The following TNFRSF10A variants were observed in gnomAD, a reference collection of about 807,000 sequenced individuals.
TNFRSF10A encodes TNF receptor superfamily member 10a.
In TNFRSF10A, 44 loss-of-function variants were observed where a neutral mutation model predicts 42.8. The ratio of observed to expected loss-of-function variants is 1.03; its 90% CI spans 0.81 to 1.32. TNFRSF10A has a LOEUF of 1.32. Ranked by LOEUF, TNFRSF10A falls within the 40% of genes most tolerant of loss-of-function variation. The pLI, the probability that TNFRSF10A is intolerant of heterozygous loss-of-function variation, is 0.00. For missense variants in TNFRSF10A, 680 were observed against 602.0 expected, an observed-to-expected ratio of 1.13 and a Z score of -1.36; for synonymous variants, 259 against 234.2, an observed-to-expected ratio of 1.11 and a Z score of -0.97.
At chr8:23,219,181 G>A (rs1292503172) in intron 1 of TNFRSF10A, among the ~76,000 whole-genome samples, 3 of 152,098 alleles carry the variant, frequency 2.0e-5, no homozygotes, top group African/African-American at 7.2e-5. Context: ...GGGCTTCAGG[G>A]AGCAGGACTG....
chr8:23,200,481 C>A (rs1234206755), intron 6 of TNFRSF10A, 24 bp downstream of exon 6: 1 of 1,612,346 alleles, frequency 6.2e-7, no homozygotes, highest in East Asian at 2.2e-5. Context: ...GTGCCCAGAG[C>A]CCTTGCCCTC....
At chr8:23,222,068 G>T (rs1042555101) in intron 1 of TNFRSF10A, among the ~76,000 whole-genome samples, 2 of 151,956 alleles carry the variant, frequency 1.3e-5, no homozygotes, top group Non-Finnish European at 1.5e-5. Context: ...TAGTAGAGAC[G>T]GGGTTTCACC....
chr8:23,212,513 T>C (rs1801105739), intron 1 of TNFRSF10A, among the ~76,000 whole-genome samples: 2 of 152,220 alleles, frequency 1.3e-5, no homozygotes, highest in Non-Finnish European at 2.9e-5. Context: ...TCAATTAGCA[T>C]AAAATCATCA....
chr8:23,210,337 G>T, intron 2 of TNFRSF10A, among the ~76,000 whole-genome samples: 1 of 152,170 alleles, frequency 6.6e-6, no homozygotes, highest in Non-Finnish European at 1.5e-5. Flanking sequence ...TATGAATATT[G>T]TTGCAAAAAT....
rs1801102529 is a variant in TNFRSF10A, at chr8:23,212,215, G to A, written c.307-3C>T. On this transcript the variant is annotated splice_region_variant and splice_polypyrimidine_tract_variant and intron_variant, in intron 1 of 9. Transcript: ENST00000221132. ...GTTGCAGCTGAGCTAGGTACGACCTGTGGGGACAAAGCAGGGACTGGCATG... is the reference window on the plus strand; with the variant it reads ...GTTGCAGCTGAGCTAGGTACGACCTATGGGGACAAAGCAGGGACTGGCATG... 2 of 1,612,660 alleles carry A rather than the reference G, an allele frequency of 1.2e-6. No homozygotes were observed. Among genetic ancestry groups the A allele is most frequent in the South Asian group, 2.2e-5 (2 of 91,066 alleles).
Position 23,199,917 on chromosome 8 carries a change from C to T in TNFRSF10A, c.800G>A (p.Gly267Asp). 1 of 1,614,112 alleles carries T rather than the reference C, an allele frequency of 6.2e-7. No homozygotes were observed. Among genetic ancestry groups the T allele is most frequent in the Non-Finnish European group, 8.5e-7 (1 of 1,180,012 alleles). ...CATGCACTTGGGGTCCCCTCCACAACCTAGAAGAGAAGACGGTTCCCTTAG... is the reference window on the plus strand; with the variant it reads ...CATGCACTTGGGGTCCCCTCCACAATCTAGAAGAGAAGACGGTTCCCTTAG... ...VLIVCCCIGS[G>D]CGGDPKCMDR... The change falls in exon 7 of 10, where the codon GGT becomes GAT. Residue 267 changes from glycine to aspartate, a missense_variant and splice_region_variant. Transcript: ENST00000221132.
intron 9 of TNFRSF10A, 45 bp from the exon 10 acceptor site, chr8:23,192,058 A>C (rs1290288761): frequency 1.3e-6 from 2 of 1,573,896 alleles, no homozygotes; most frequent in Admixed American, 3.7e-5. Flanking sequence ...GTTGGGACTC[A>C]GTTCAGAAGG....
chr8:23,223,035 T>G (rs1801278942), intron 1 of TNFRSF10A, among the ~76,000 whole-genome samples: 1 of 152,218 alleles, frequency 6.6e-6, no homozygotes, highest in Non-Finnish European at 1.5e-5. Context: ...ATAAGCCTCT[T>G]TTAAAATTAT....
Position 23,197,185 on chromosome 8 carries a change from C to G in TNFRSF10A, c.1034G>C (p.Gly345Ala). 2 of 1,614,152 alleles carry G rather than the reference C, an allele frequency of 1.2e-6. No homozygotes were observed. Among genetic ancestry groups the G allele is most frequent in the Non-Finnish European group, 1.7e-6 (2 of 1,179,998 alleles). The change falls in exon 9 of 10, where the codon GGG (glycine) becomes GCG (alanine). Residue 345 changes from glycine (G) to alanine (A), a missense_variant. Transcript: ENST00000221132. ...QCLLGPAEAEGSQRRRLLVPA... is the reference protein window; with the variant it reads ...QCLLGPAEAEASQRRRLLVPA... ...AACCAGCAGCCTCCTCCTCTGAGAC[C>G]CTTCAGCTTCTGCCGGTCCCTGTAA... is the stretch of plus-strand genomic sequence containing the variant.
At chr8:23,195,319 T>G (rs1800807460) in intron 9 of TNFRSF10A, among the ~76,000 whole-genome samples, 1 of 152,236 alleles carries the variant, frequency 6.6e-6, no homozygotes, top group Non-Finnish European at 1.5e-5. Context: ...CTTTTGGTTT[T>G]GTTTTCCAGT....
chr8:23,207,376 T>C (rs1392858636), intron 2 of TNFRSF10A: 1 of 567,594 alleles, frequency 1.8e-6, no homozygotes, highest in Non-Finnish European at 3.4e-6. Flanking sequence ...CTAAACTGAA[T>C]CCAGCTGGCT....
intron 6 of TNFRSF10A, 63 bp from the exon 7 acceptor site, chr8:23,199,980 G>A (rs1800884223): frequency 6.2e-7 from 1 of 1,603,866 alleles, no homozygotes; most frequent in South Asian, 1.1e-5. Context: ...CCTTCTTAGA[G>A]GGCAGTGTTG....
chr8:23,197,596 A>G (rs781614964), intron 8 of TNFRSF10A, among the ~76,000 whole-genome samples: 1 of 152,140 alleles, frequency 6.6e-6, no homozygotes, highest in Non-Finnish European at 1.5e-5. Flanking sequence ...ACTCTACATT[A>G]TGATAAGTTG....
chr8:23,197,185 C>T lies in TNFRSF10A; in HGVS notation c.1034G>A (p.Gly345Glu). The T allele has an allele frequency of 6.2e-7, 1 of 1,614,152 alleles. No individual in the cohort carries two copies. Among genetic ancestry groups the T allele is most frequent in the Non-Finnish European group, 8.5e-7 (1 of 1,179,998 alleles). The change falls in exon 9 of 10, where the codon GGG becomes GAG. Residue 345 changes from glycine to glutamate, a missense_variant. Coordinates refer to ENST00000221132, the MANE Select transcript of TNFRSF10A (RefSeq NM_003844.4). ...QCLLGPAEAE[G>E]SQRRRLLVPA... ...AACCAGCAGCCTCCTCCTCTGAGAC[C>T]CTTCAGCTTCTGCCGGTCCCTGTAA...
intron 2 of TNFRSF10A, among the ~76,000 whole-genome samples, chr8:23,203,753 T>A (rs1005619655): frequency 6.6e-6 from 1 of 151,922 alleles, no homozygotes; most frequent in Admixed American, 6.6e-5. Flanking sequence ...CTGGGGCAAC[T>A]AAGGTTACTA....
At chr8:23,209,514 G>A (rs986567018) in intron 2 of TNFRSF10A, among the ~76,000 whole-genome samples, 2 of 152,214 alleles carry the variant, frequency 1.3e-5, no homozygotes, top group African/African-American at 2.4e-5. Flanking sequence ...CCACAGGGGC[G>A]GAGCTGCCCA....
rs1347556811 is a variant in TNFRSF10A at position 23,201,838 on chromosome 8, G to A, written c.599C>T (p.Ser200Phe). 2 of 1,614,094 alleles carry A rather than the reference G, an allele frequency of 1.2e-6. No individual in the cohort carries two copies. Among genetic ancestry groups the A allele is most frequent in the African/African-American group, 1.3e-5 (1 of 74,938 alleles). ...CKPGTFRNDN[S>F]AEMCRKCSRG... ...GCTGCACTTCCGGCACATCTCAGCA[G>A]AATTGTCATTCCGGAAAGTTCCTGG... Residue 200 changes from serine (S) to phenylalanine (F), a missense_variant, in exon 4 of 10, where the codon TCT becomes TTT. Physicochemically the swap from Ser to Phe is radical, Grantham distance 155. Coordinates refer to ENST00000221132, the MANE Select transcript of TNFRSF10A (RefSeq NM_003844.4).
In TNFRSF10A at chr8:23,199,707, C is replaced by G. The variant is rs557893766; in HGVS notation, c.831+179G>C. The stretch of plus-strand genomic sequence containing the variant: ...AGCACAGGGCTACAGAATGGCCCAC[C>G]AGCCTGTATGATGCTCAAAAGGGCC... On this transcript the variant is annotated intron_variant, in intron 7 of 9. Coordinates refer to ENST00000221132, the MANE Select transcript of TNFRSF10A (RefSeq NM_003844.4). 4.9e-4 allele frequency among the ~76,000 whole-genome samples: 75 copies of G among 152,286 alleles called. 1 individual carries two copies. The highest frequency in any genetic ancestry group is 1.6e-3 in the African/African-American group (68 of 41,560).
chr8:23,217,335 C>T (rs1249676584), intron 1 of TNFRSF10A, among the ~76,000 whole-genome samples: 2 of 152,010 alleles, frequency 1.3e-5, no homozygotes, highest in Non-Finnish European at 2.9e-5. Context: ...CCTGCCTCAG[C>T]CCTCCCCAGT....
Sources: gnomAD v4.1 joint callset for allele counts (sites outside exome capture counted in the v4.1 genomes callset) on GRCh38, gnomAD v4.1.1 for gene constraint, MANE v1.5 for transcripts, NCBI Gene and HGNC (gene_info 2026-07-23, HGNC 2026-07-21) for gene names.